Variants in PARM1 observed in about 807,000 individuals in gnomAD.
PARM1 encodes WSC4, cell wall integrity and stress response component 4 homolog.
In PARM1, 14 loss-of-function variants were observed where a neutral mutation model predicts 24.6. The observed-to-expected ratio is 0.57, with a 90% CI of 0.38 to 0.89. The LOEUF (loss-of-function observed/expected upper bound fraction) is 0.89, where lower values mean the gene tolerates loss of function less well. Ranked by LOEUF, PARM1 falls within the 40% of genes least tolerant of loss-of-function variation. The probability of loss-of-function intolerance (pLI) is 0.00; values close to 1 mark genes in which losing one functional copy is unlikely to be tolerated. For synonymous variants in PARM1, 179 were observed against 156.6 expected (o/e 1.14, Z -1.07); for missense variants, 362 against 380.4 (o/e 0.95, Z 0.40).
At chr4:74,942,486 A>T (rs111937753) in intron 1 of PARM1, among the ~76,000 whole-genome samples, 1 of 152,336 alleles carries the variant, frequency 6.6e-6, no homozygotes, top group South Asian at 2.1e-4. Flanking sequence ...GAGCTCCTAG[A>T]CTTTCTTCCC....
At chr4:74,989,113 C>A (rs1228559949) in intron 1 of PARM1, among the ~76,000 whole-genome samples, 1 of 152,126 alleles carries the variant, frequency 6.6e-6, no homozygotes, top group African/African-American at 2.4e-5. Flanking sequence ...CCTCCAGTCA[C>A]CAAAATGTGT....
chr4:74,978,013 C>T (rs1211518530), intron 1 of PARM1, among the ~76,000 whole-genome samples: 1 of 152,154 alleles, frequency 6.6e-6, no homozygotes, highest in Non-Finnish European at 1.5e-5. Context: ...TATAAAAACA[C>T]ACTGAGGTAT....
At chr4:74,935,637 A>G (rs1255949680) in intron 1 of PARM1, among the ~76,000 whole-genome samples, 1 of 152,046 alleles carries the variant, frequency 6.6e-6, no homozygotes, top group Non-Finnish European at 1.5e-5. Context: ...GGCTTCAACA[A>G]TATTTCTGTA....
Position 74,945,573 on chromosome 4 carries a change from G to A in PARM1, c.43+12203G>A, listed in dbSNP as rs72860916. Among the ~76,000 whole-genome samples the A allele has an allele frequency of 6.8e-3, 1,038 of 152,294 alleles. 13 individuals carry two copies. The highest frequency in any genetic ancestry group is 0.024 in the African/African-American group (979 of 41,550). ...AATATTCCATTTTCTAAAACCAGAT[G>A]CTGCATAAATCATTGATCAGGATAA... On this transcript the variant is annotated intron_variant, in intron 1 of 3. Coordinates refer to ENST00000307428, the MANE Select transcript of PARM1 (RefSeq NM_015393.4).
intron 1 of PARM1, among the ~76,000 whole-genome samples, chr4:74,959,210 G>A (rs1197610469): frequency 6.6e-6 from 1 of 152,124 alleles, no homozygotes; most frequent in East Asian, 1.9e-4. Context: ...ATCATAAAAT[G>A]TTTTATCTGT....
At chr4:75,025,878 A>G (rs1320342045) in intron 2 of PARM1, among the ~76,000 whole-genome samples, 1 of 152,228 alleles carries the variant, frequency 6.6e-6, no homozygotes, top group Admixed American at 6.5e-5. Flanking sequence ...CACAGTTCGA[A>G]TCCCAATTCT....
At chr4:75,034,315 A>C (rs189387395) in intron 3 of PARM1, among the ~76,000 whole-genome samples, 1 of 152,290 alleles carries the variant, frequency 6.6e-6, no homozygotes, top group East Asian at 1.9e-4. Flanking sequence ...CATCTGTGAA[A>C]GGGGGTAGAA....
At chr4:75,003,724 C>G (rs1351345375) in intron 1 of PARM1, among the ~76,000 whole-genome samples, 1 of 152,128 alleles carries the variant, frequency 6.6e-6, no homozygotes, top group Non-Finnish European at 1.5e-5. Flanking sequence ...GTTAGATGAG[C>G]CTTCTGGAGC....
chr4:75,044,894 A>G (rs890855018), intron 3 of PARM1, among the ~76,000 whole-genome samples: 1 of 152,202 alleles, frequency 6.6e-6, no homozygotes, highest in Non-Finnish European at 1.5e-5. Context: ...TCCCCCTTAC[A>G]GAACCATCAG....
chr4:75,013,256 C>T (rs1722916026), intron 2 of PARM1, 106 bp downstream of exon 2: 5 of 1,143,762 alleles, frequency 4.4e-6, no homozygotes, highest in Non-Finnish European at 4.9e-6. Context: ...GAGTGTAACA[C>T]CTAAGTTGAA....
At chr4:74,965,518 T>C (rs1296339416) in intron 1 of PARM1, 1 of 152,222 alleles carries the variant, frequency 6.6e-6, no homozygotes, top group Admixed American at 6.5e-5. Flanking sequence ...CCTCTTTTCC[T>C]TTCCCCACCT....
chr4:75,031,474 G>C (rs1360622908), intron 2 of PARM1, among the ~76,000 whole-genome samples: 1 of 151,688 alleles, frequency 6.6e-6, no homozygotes, highest in Non-Finnish European at 1.5e-5. Flanking sequence ...TACACTTGGA[G>C]CTAGAGAGCC....
chr4:75,039,586 C>T (rs1391455377), intron 3 of PARM1, among the ~76,000 whole-genome samples: 1 of 152,056 alleles, frequency 6.6e-6, no homozygotes, highest in Non-Finnish European at 1.5e-5. Context: ...GATTCAGATT[C>T]AGTAGGTCCA....
At chr4:75,040,245 G>A (rs1001667876) in intron 3 of PARM1, among the ~76,000 whole-genome samples, 6 of 152,204 alleles carry the variant, frequency 3.9e-5, no homozygotes, top group Non-Finnish European at 8.8e-5. Flanking sequence ...TAGCTACGTC[G>A]TGACACTGAG....
Position 75,046,191 on chromosome 4 carries a change from G to T in PARM1, c.877G>T (p.Asp293Tyr), listed in dbSNP as rs545631377. 2 of 1,612,940 alleles carry T rather than the reference G, an allele frequency of 1.2e-6. No individual in the cohort carries two copies. The highest frequency in any genetic ancestry group is 2.2e-5 in the South Asian group (2 of 91,014). Reference protein sequence around the residue: ...RHSSYGRLLDDHDYGSWGNYN... With the variant: ...RHSSYGRLLDYHDYGSWGNYN... The stretch of plus-strand genomic sequence containing the variant: ...TTCCTCCTATGGAAGACTTTTGGAC[G>T]ACCATGACTACGGGTCCTGGGGAAA... The change falls in exon 4 of 4, where the codon GAC (aspartate) becomes TAC (tyrosine). Residue 293 changes from aspartate (D) to tyrosine (Y), a missense_variant. Physicochemically the swap from Asp to Tyr is radical, Grantham distance 160 (BLOSUM62 -3). Transcript: ENST00000307428.
intron 2 of PARM1, among the ~76,000 whole-genome samples, chr4:75,015,534 C>A (rs192347956): frequency 6.6e-6 from 1 of 152,296 alleles, no homozygotes; most frequent in Non-Finnish European, 1.5e-5. Flanking sequence ...TACCAAGACC[C>A]TCTTCTTCAT....
At position 74,933,253 on chromosome 4, in the gene PARM1, A is replaced by G. The variant is rs1721103646; in HGVS notation, c.-75A>G. 3.0e-6 allele frequency: 4 copies of G among 1,340,576 alleles called. No homozygotes were observed. Among genetic ancestry groups the G allele is most frequent in the Middle Eastern group, 3.6e-4 (2 of 5,526 alleles). The allele number at this position is 1,340,576 out of a possible 1,614,324, so 83.0% of individuals were successfully genotyped here. A position where few individuals can be genotyped will look rare whatever the true frequency, so the allele number is the denominator to read the frequency against. ...CCCACCCGGCAGAGGAGTCGCTACC[A>G]GCGCCCAGTGCGCTCTGTCAGTCCG... On this transcript the variant is annotated 5_prime_UTR_variant, in exon 1 of 4. Transcript: ENST00000307428.
At chr4:75,043,900 T>A (rs1280365306) in intron 3 of PARM1, among the ~76,000 whole-genome samples, 1 of 152,168 alleles carries the variant, frequency 6.6e-6, no homozygotes, top group Admixed American at 6.5e-5. Context: ...CAGAAATAAA[T>A]GTGAGCCTTT....
At chr4:74,966,881 C>T (rs1272563758) in intron 1 of PARM1, 1 of 152,158 alleles carries the variant, frequency 6.6e-6, no homozygotes, top group Non-Finnish European at 1.5e-5. Context: ...AGCCAATTTC[C>T]TCCCAAATTG....
Sources: allele counts gnomAD v4.1 joint callset (sites outside exome capture counted in the v4.1 genomes callset), GRCh38; gene constraint gnomAD v4.1.1; transcripts MANE v1.5; gene names NCBI Gene and HGNC (gene_info 2026-07-23, HGNC 2026-07-21).